Variants in PDGFC observed in about 807,000 individuals in gnomAD.
The protein encoded by PDGFC is platelet-derived growth factor C.
Under a neutral mutation model 35.5 loss-of-function variants are expected in PDGFC, and 12 were observed. The observed-to-expected ratio is 0.34, with a 90% CI of 0.22 to 0.55. The LOEUF is 0.55. Among genes scored for constraint, PDGFC ranks in the 20% least tolerant of loss-of-function variants. PDGFC has a pLI of 0.91. For missense variants in PDGFC, 322 were observed against 412.4 expected, an observed-to-expected ratio of 0.78 and a Z score of 1.90; for synonymous variants, 159 against 148.8, an observed-to-expected ratio of 1.07 and a Z score of -0.50.
chr4:156,970,883 G>C lies in PDGFC; in HGVS notation c.21C>G (p.Leu7=), dbSNP rs779354736. MSLFGL[L]LLTSALAGQR... ...GGCCGGCCAGGGCAGATGTCAGCAG[G>C]AGAAGCCCGAAGAGGCTCATTTGGC... The change falls in exon 1 of 6, where the codon CTC becomes CTG. Residue 7 remains leucine (L), a synonymous_variant. Coordinates refer to ENST00000502773, the MANE Select transcript of PDGFC (RefSeq NM_016205.3). The C allele has an allele frequency of 1.2e-6, 2 of 1,613,518 alleles. No individual in the cohort carries two copies. Among genetic ancestry groups the C allele is most frequent in the East Asian group, 2.2e-5 (1 of 44,834 alleles).
intron 1 of PDGFC, chr4:156,876,621 A>C (rs958606472): frequency 6.6e-6 from 1 of 152,162 alleles, no homozygotes; most frequent in Non-Finnish European, 1.5e-5. Context: ...CATTGTGTAC[A>C]CTGTTAAAGG....
At chr4:156,958,531 C>T (rs888557352) in intron 1 of PDGFC, among the ~76,000 whole-genome samples, 5 of 152,016 alleles carry the variant, frequency 3.3e-5, no homozygotes, top group African/African-American at 1.2e-4. Flanking sequence ...GGATTTCTTA[C>T]ACAATCACTT....
At chr4:156,908,377 A>T (rs1424803824) in intron 1 of PDGFC, among the ~76,000 whole-genome samples, 6 of 152,124 alleles carry the variant, frequency 3.9e-5, no homozygotes, top group Admixed American at 3.9e-4. Context: ...TCCTTTATTT[A>T]TGCTCATTTG....
intron 1 of PDGFC, among the ~76,000 whole-genome samples, chr4:156,910,210 T>C (rs939498331): frequency 3.3e-5 from 5 of 152,136 alleles, no homozygotes; most frequent in Non-Finnish European, 4.4e-5. Context: ...GGTTTTTAAC[T>C]TTTTAAAATT....
At chr4:156,906,187 T>C (rs998405158) in intron 1 of PDGFC, among the ~76,000 whole-genome samples, 2 of 152,192 alleles carry the variant, frequency 1.3e-5, no homozygotes, top group African/African-American at 4.8e-5. Context: ...AAGTTCGGTG[T>C]ACCCAAACAA....
At chr4:156,887,059 A>G (rs1408640425) in intron 1 of PDGFC, among the ~76,000 whole-genome samples, 1 of 152,226 alleles carries the variant, frequency 6.6e-6, no homozygotes, top group African/African-American at 2.4e-5. Flanking sequence ...CCTAAAACAA[A>G]GCCATATGAG....
At chr4:156,906,224 G>C (rs1005215447) in intron 1 of PDGFC, among the ~76,000 whole-genome samples, 1 of 152,058 alleles carries the variant, frequency 6.6e-6, no homozygotes, top group Non-Finnish European at 1.5e-5. Context: ...TAAAAATACT[G>C]CTTGCTCAGG....
chr4:156,911,250 T>G (rs2110805189), intron 1 of PDGFC, among the ~76,000 whole-genome samples: 1 of 152,300 alleles, frequency 6.6e-6, no homozygotes, highest in Non-Finnish European at 1.5e-5. Context: ...ACTTAAATAC[T>G]ATGCTTTATT....
At chr4:156,897,472 T>C (rs1579085049) in intron 1 of PDGFC, among the ~76,000 whole-genome samples, 1 of 152,028 alleles carries the variant, frequency 6.6e-6, no homozygotes, top group African/African-American at 2.4e-5. Flanking sequence ...ATACACTTTC[T>C]GGCCCTGAAA....
chr4:156,866,882 A>T (rs922744712), intron 1 of PDGFC, among the ~76,000 whole-genome samples: 1 of 152,212 alleles, frequency 6.6e-6, no homozygotes, highest in Non-Finnish European at 1.5e-5. Flanking sequence ...AAAATGGTAT[A>T]CAGTGAATGC....
At chr4:156,796,392 T>C (rs1435717141) in intron 3 of PDGFC, among the ~76,000 whole-genome samples, 2 of 151,978 alleles carry the variant, frequency 1.3e-5, no homozygotes, top group Admixed American at 6.6e-5. Flanking sequence ...TTGTACCAAG[T>C]ATCAATGTCT....
intron 1 of PDGFC, among the ~76,000 whole-genome samples, chr4:156,925,634 TAGAG>T (rs1731390824): frequency 6.6e-6 from 1 of 151,724 alleles, no homozygotes; most frequent in Admixed American, 6.6e-5. Context: ...GGTTTGGAAT[TAGAG>T]AGAAACATCA....
At chr4:156,838,039 T>A (rs1389507154) in intron 2 of PDGFC, among the ~76,000 whole-genome samples, 2 of 152,110 alleles carry the variant, frequency 1.3e-5, no homozygotes. Flanking sequence ...CTATAAATTA[T>A]GCCACTGGGC....
At chr4:156,840,652 C>G (rs1020796323) in intron 2 of PDGFC, among the ~76,000 whole-genome samples, 1 of 152,182 alleles carries the variant, frequency 6.6e-6, no homozygotes, top group Non-Finnish European at 1.5e-5. Context: ...CCATCAACAG[C>G]TTGCACTGTG....
chr4:156,944,619 G>A (rs1442346224), intron 1 of PDGFC, among the ~76,000 whole-genome samples: 8 of 152,114 alleles, frequency 5.3e-5, no homozygotes, highest in African/African-American at 1.9e-4. Context: ...AGACAAAAAT[G>A]CCTGCCAAGT....
Position 156,811,027 on chromosome 4 carries a change from G to C in PDGFC, c.315-10C>G, listed in dbSNP as rs1579024211. Reference sequence around the variant, plus strand: ...TTCTACAAAATCATACCTGCAAAAAGACAAAGGGAAAGAGACATCATTTCA... The same window carrying C: ...TTCTACAAAATCATACCTGCAAAAACACAAAGGGAAAGAGACATCATTTCA... On this transcript the variant is annotated splice_polypyrimidine_tract_variant and intron_variant, in intron 2 of 5. Coordinates refer to ENST00000502773, the MANE Select transcript of PDGFC (RefSeq NM_016205.3). 3 of 1,541,222 alleles carry C rather than the reference G, an allele frequency of 1.9e-6. No individual in the cohort carries two copies. The East Asian group carries it at 6.9e-5, about 36-fold the overall frequency.
At chr4:156,913,898 A>G (rs1731099242) in intron 1 of PDGFC, among the ~76,000 whole-genome samples, 1 of 152,164 alleles carries the variant, frequency 6.6e-6, no homozygotes, top group African/African-American at 2.4e-5. Flanking sequence ...CTGTCTGCTG[A>G]CAAAGGGATT....
intron 3 of PDGFC, among the ~76,000 whole-genome samples, chr4:156,776,082 A>G (rs1730819693): frequency 6.6e-6 from 1 of 152,004 alleles, no homozygotes; most frequent in Admixed American, 6.6e-5. Context: ...GTTTAAAGGG[A>G]CTCTCAGAGA....
At chr4:156,916,477 C>T (rs1446814388) in intron 1 of PDGFC, among the ~76,000 whole-genome samples, 1 of 152,206 alleles carries the variant, frequency 6.6e-6, no homozygotes, top group Non-Finnish European at 1.5e-5. Flanking sequence ...TTATGTCTTC[C>T]TTCTGACAAG....
Sources: allele counts gnomAD v4.1 joint callset (sites outside exome capture counted in the v4.1 genomes callset), GRCh38; gene constraint gnomAD v4.1.1; transcripts MANE v1.5; gene names NCBI Gene and HGNC (gene_info 2026-07-23, HGNC 2026-07-21).